The following DCC variants were observed in gnomAD, a reference collection of about 807,000 sequenced individuals.
The protein encoded by DCC is DCC netrin 1 receptor.
In DCC, 58 loss-of-function variants were observed where a neutral mutation model predicts 172.5. The observed-to-expected ratio is 0.34, with a 90% CI of 0.27 to 0.42. The LOEUF (loss-of-function observed/expected upper bound fraction) is 0.42. Among genes scored for constraint, DCC ranks in the 10% least tolerant of loss-of-function variants. The pLI is 1.00. For missense variants in DCC, 1,740 were observed against 1,791.0 expected (o/e 0.97, Z 0.51); for synonymous variants, 709 against 644.5 (o/e 1.10, Z -1.52).
intron 5 of DCC, among the ~76,000 whole-genome samples, chr18:53,028,530 A>G (rs2041986893): frequency 2.0e-5 from 3 of 152,194 alleles, no homozygotes; most frequent in Admixed American, 2.0e-4. Flanking sequence ...CAGCCATATT[A>G]GGTAGTTGTT....
At position 53,300,958 on chromosome 18, in the gene DCC, A is replaced by ATTCTTTCTTTCTTTCT. The variant is rs1436953257; in HGVS notation, c.1912-4617_1912-4616insTTTCTTTCTTTCTTTC. ...ATCCATTATTTGACGTTGGTTCTGGATTCATTCTTTCTTTCTTTCTTTCTT... is the reference window on the plus strand; with the variant it reads ...ATCCATTATTTGACGTTGGTTCTGGATTCTTTCTTTCTTTCTTTCATTCTTTCTTTCTTTCTTTCTT... On this transcript the variant is annotated intron_variant, in intron 12 of 28. Transcript: ENST00000442544. Among the ~76,000 whole-genome samples the ATTCTTTCTTTCTTTCT allele has an allele frequency of 3.5e-3, 287 of 81,738 alleles. 12 individuals carry two copies. Among genetic ancestry groups the ATTCTTTCTTTCTTTCT allele is most frequent in the African/African-American group, 0.011 (208 of 18,464 alleles). The allele number at this position is 81,738 out of a possible 152,430, so 53.6% of individuals were successfully genotyped here.
intron 12 of DCC, among the ~76,000 whole-genome samples, chr18:53,284,596 G>A (rs2056914614): frequency 6.6e-6 from 1 of 152,136 alleles, no homozygotes; most frequent in Admixed American, 6.6e-5. Context: ...TCTCAAGTAT[G>A]TCTTTATCAG....
At chr18:53,129,275 T>A (rs1343893943) in intron 7 of DCC, among the ~76,000 whole-genome samples, 1 of 152,118 alleles carries the variant, frequency 6.6e-6, no homozygotes, top group Non-Finnish European at 1.5e-5. Context: ...ATTTTAAGTT[T>A]TCTACCCTCG....
At chr18:53,280,644 T>G (rs574735941) in intron 12 of DCC, among the ~76,000 whole-genome samples, 1 of 152,064 alleles carries the variant, frequency 6.6e-6, no homozygotes, top group African/African-American at 2.4e-5. Context: ...TATGAAATAT[T>G]TTTTTTTCTC....
intron 5 of DCC, among the ~76,000 whole-genome samples, chr18:53,032,426 GAT>G (rs2042037836): frequency 6.6e-6 from 1 of 152,076 alleles, no homozygotes; most frequent in Non-Finnish European, 1.5e-5. Flanking sequence ...TTTTTCTTGT[GAT>G]ATATGAGGTT....
intron 2 of DCC, among the ~76,000 whole-genome samples, chr18:52,767,031 C>T (rs575342744): frequency 2.6e-5 from 4 of 151,812 alleles, no homozygotes; most frequent in South Asian, 4.2e-4. Flanking sequence ...TGTGGGGACA[C>T]ATATCCTGTG....
At chr18:53,128,019 C>T (rs550612133) in intron 7 of DCC, among the ~76,000 whole-genome samples, 50 of 152,122 alleles carry the variant, frequency 3.3e-4, no homozygotes, top group African/African-American at 1.1e-3. Context: ...TTTTAATAAC[C>T]TCAGATTCTT....
At chr18:53,243,710 A>G (rs2056332858) in intron 12 of DCC, among the ~76,000 whole-genome samples, 1 of 152,164 alleles carries the variant, frequency 6.6e-6, no homozygotes, top group Admixed American at 6.6e-5. Flanking sequence ...TACCTCTGAG[A>G]TTATCATGGA....
intron 2 of DCC, among the ~76,000 whole-genome samples, chr18:52,800,842 A>G (rs1323581474): frequency 1.3e-5 from 2 of 152,202 alleles, no homozygotes; most frequent in Non-Finnish European, 2.9e-5. Flanking sequence ...GGCTTAAAAC[A>G]TCTATTTATT....
chr18:52,540,596 C>CTT (rs1568219181), intron 1 of DCC, among the ~76,000 whole-genome samples: 8 of 53,634 alleles, frequency 1.5e-4, no homozygotes, highest in Non-Finnish European at 2.7e-4. Flanking sequence ...TATTCAACTG[C>CTT]CTTTTTTTTT....
chr18:52,934,226 G>A (rs1031934320), intron 5 of DCC, among the ~76,000 whole-genome samples: 1 of 151,834 alleles, frequency 6.6e-6, no homozygotes, highest in Non-Finnish European at 1.5e-5. Context: ...AGTATCTAGT[G>A]ATCAATATAA....
chr18:52,725,796 A>T (rs1251601446), intron 1 of DCC, among the ~76,000 whole-genome samples: 1 of 152,180 alleles, frequency 6.6e-6, no homozygotes, highest in Non-Finnish European at 1.5e-5. Flanking sequence ...CATAAACTGG[A>T]AATGAAATAC....
chr18:53,126,666 G>A (rs1053664610), intron 7 of DCC, among the ~76,000 whole-genome samples: 8 of 152,186 alleles, frequency 5.3e-5, no homozygotes, highest in South Asian at 2.1e-4. Flanking sequence ...AGATTCATAC[G>A]TATCACTGAA....
chr18:52,813,410 ACT>A (rs1240698920), intron 2 of DCC, among the ~76,000 whole-genome samples: 1 of 151,968 alleles, frequency 6.6e-6, no homozygotes, highest in East Asian at 1.9e-4. Context: ...ACATGAGATG[ACT>A]CTTGACATTC....
intron 5 of DCC, among the ~76,000 whole-genome samples, chr18:52,963,635 G>T (rs1006050692): frequency 6.6e-6 from 1 of 152,060 alleles, no homozygotes; most frequent in African/African-American, 2.4e-5. Flanking sequence ...CCAGGTTAAA[G>T]GGAAAGTATG....
rs536251096 is a variant in DCC, at chr18:52,591,237, C to A, written c.92-160817C>A. 6.6e-4 allele frequency among the ~76,000 whole-genome samples: 100 copies of A among 152,032 alleles called. 1 individual carries two copies. Among genetic ancestry groups the A allele is most frequent in the African/African-American group, 2.2e-3 (93 of 41,512 alleles). Reference sequence around the variant, plus strand: ...ATTTTTTAAAATTCTTTTTAGCATTCTTTTAAAAAGCATGCTAATTATGGA... The same window carrying A: ...ATTTTTTAAAATTCTTTTTAGCATTATTTTAAAAAGCATGCTAATTATGGA... On this transcript the variant is annotated intron_variant, in intron 1 of 28. Coordinates refer to ENST00000442544, the MANE Select transcript of DCC (RefSeq NM_005215.4).
At chr18:52,807,293 G>T (rs558598633) in intron 2 of DCC, among the ~76,000 whole-genome samples, 6 of 152,152 alleles carry the variant, frequency 3.9e-5, no homozygotes, top group Admixed American at 2.0e-4. Context: ...CTCTAGCACG[G>T]TGAGATGCCC....
intron 1 of DCC, among the ~76,000 whole-genome samples, chr18:52,406,710 C>A (rs1459911635): frequency 1.3e-5 from 2 of 152,028 alleles, no homozygotes; most frequent in African/African-American, 4.8e-5. Flanking sequence ...TATATGGAAT[C>A]TTGTAAAATT....
At chr18:53,370,668 T>G (rs2058051936) in intron 15 of DCC, among the ~76,000 whole-genome samples, 1 of 151,878 alleles carries the variant, frequency 6.6e-6, no homozygotes, top group Non-Finnish European at 1.5e-5. Context: ...TTTGTGATTT[T>G]CCAGTTTTAC....
Sources: allele counts gnomAD v4.1 joint callset (sites outside exome capture counted in the v4.1 genomes callset), GRCh38; gene constraint gnomAD v4.1.1; transcripts MANE v1.5; gene names NCBI Gene and HGNC (gene_info 2026-07-23, HGNC 2026-07-21).